HOMER2: variants seen among roughly 807,000 people sequenced by gnomAD.
HOMER2 encodes homer protein homolog 2.
HOMER2 carries 27 observed loss-of-function variants against 47.0 expected under a neutral mutation model. The ratio of observed to expected loss-of-function variants is 0.57; its 90% confidence interval spans 0.42 to 0.79. The LOEUF (loss-of-function observed/expected upper bound fraction) is 0.79. Ranked by LOEUF, HOMER2 falls within the 30% of genes least tolerant of loss-of-function variation. The pLI is 0.00. For missense variants in HOMER2, 443 were observed against 435.0 expected (o/e 1.02, Z -0.16); for synonymous variants, 161 against 163.8 (o/e 0.98, Z 0.13).
intron 1 of HOMER2, among the ~76,000 whole-genome samples, chr15:82,983,860 G>A (rs1376786035): frequency 1.3e-5 from 2 of 151,952 alleles, no homozygotes; most frequent in South Asian, 4.2e-4. Flanking sequence ...TCAAAGTGCA[G>A]GGATTACAGG....
At chr15:82,857,290 T>C (rs561597234) in intron 5 of HOMER2, among the ~76,000 whole-genome samples, 97 of 152,230 alleles carry the variant, frequency 6.4e-4, no homozygotes, top group African/African-American at 2.2e-3. Flanking sequence ...AGACACCAAA[T>C]CTGCCAGTGC....
chr15:82,967,642 G>A (rs558844277), intron 1 of HOMER2, among the ~76,000 whole-genome samples: 1 of 152,286 alleles, frequency 6.6e-6, no homozygotes, highest in East Asian at 1.9e-4. Context: ...TTCGGAGGCT[G>A]AGGTGGGTGG....
At chr15:82,878,012 T>C (rs939817246) in intron 2 of HOMER2, among the ~76,000 whole-genome samples, 2 of 152,112 alleles carry the variant, frequency 1.3e-5, no homozygotes, top group African/African-American at 2.4e-5. Flanking sequence ...TCAGGATGGA[T>C]CACGTGACCC....
chr15:82,932,556 C>A (rs1358824849), intron 1 of HOMER2, among the ~76,000 whole-genome samples: 1 of 151,586 alleles, frequency 6.6e-6, no homozygotes, highest in Non-Finnish European at 1.5e-5. Flanking sequence ...ACCCACCACA[C>A]CCCAAGGCAA....
intron 1 of HOMER2, among the ~76,000 whole-genome samples, chr15:82,928,343 G>C (rs942635049): frequency 5.3e-5 from 8 of 152,152 alleles, no homozygotes; most frequent in Admixed American, 3.9e-4. Context: ...ACTGGTTTCT[G>C]TTTCCGCCAT....
intron 2 of HOMER2, among the ~76,000 whole-genome samples, chr15:82,882,156 G>A (rs530001027): frequency 6.6e-6 from 1 of 152,342 alleles, no homozygotes; most frequent in South Asian, 2.1e-4. Context: ...TGGGAGTGGG[G>A]AGATGCCCTC....
At chr15:82,841,196 CAT>C (rs1229860956) in exon 2 of HOMER2, 1 of 152,104 alleles carries the variant, frequency 6.6e-6, no homozygotes, top group Non-Finnish European at 1.5e-5. Flanking sequence ...ACCAACCAAT[CAT>C]AAATAACCAC....
Position 82,911,749 on chromosome 15 carries a change from G to A in HOMER2, c.6-18908C>T, listed in dbSNP as rs191932168. Among the ~76,000 whole-genome samples the A allele has an allele frequency of 5.1e-3, 783 of 152,238 alleles. 3 individuals carry two copies. Among genetic ancestry groups the A allele is most frequent in the Non-Finnish European group, 5.5e-3 (375 of 68,026 alleles). On this transcript the variant is annotated intron_variant, in intron 1 of 8. Transcript: ENST00000450735. ...ACTTTCAGCTAAATTTAAATTTCAC[G>A]GCCGGGTGAGGTGGTTCACACCTGT... is the stretch of plus-strand genomic sequence containing the variant.
intron 1 of HOMER2, among the ~76,000 whole-genome samples, chr15:82,968,404 C>G (rs1479384694): frequency 1.3e-5 from 2 of 152,212 alleles, no homozygotes; most frequent in East Asian, 3.8e-4. Context: ...CAAATACATT[C>G]AACACATTTG....
chr15:82,912,858 C>A (rs1373220656), intron 1 of HOMER2, among the ~76,000 whole-genome samples: 1 of 152,214 alleles, frequency 6.6e-6, no homozygotes, highest in Non-Finnish European at 1.5e-5. Flanking sequence ...CTGAAGGCAG[C>A]CTATACCCTA....
At position 82,849,887 on chromosome 15, in the gene HOMER2, T is replaced by A. The variant is rs1351093730; in HGVS notation, c.860A>T (p.Asn287Ile). 6.2e-7 allele frequency: 1 copy of A among 1,613,868 alleles called. No individual in the cohort carries two copies. The highest frequency in any genetic ancestry group is 1.3e-5 in the African/African-American group (1 of 75,050). Residue 287 changes from asparagine to isoleucine, a missense_variant, in exon 9 of 9, where the codon AAT (asparagine) becomes ATT (isoleucine). Asn to Ile is a moderately radical substitution (Grantham distance 149). Transcript: ENST00000450735. Reference protein sequence around the residue: ...SEKLEAAERDNQNLEDKVRSL... With the variant: ...SEKLEAAERDIQNLEDKVRSL... ...ACGCACTTTGTCTTCCAGGTTTTGA[T>A]TGTCTCTCTCTGCCGCCTGGCCAAG...
chr15:82,866,361 C>G (rs571083566), intron 3 of HOMER2, among the ~76,000 whole-genome samples: 2 of 152,326 alleles, frequency 1.3e-5, no homozygotes, highest in South Asian at 4.1e-4. Context: ...GCCTCTACCC[C>G]CATTGTACCT....
At chr15:82,981,790 C>G (rs1185684119) in intron 1 of HOMER2, among the ~76,000 whole-genome samples, 1 of 151,984 alleles carries the variant, frequency 6.6e-6, no homozygotes, top group Admixed American at 6.5e-5. Context: ...GCATGAGGTA[C>G]CTAGAGTAGT....
chr15:82,983,985 C>T, intron 1 of HOMER2, among the ~76,000 whole-genome samples: 1 of 151,998 alleles, frequency 6.6e-6, no homozygotes, highest in East Asian at 1.9e-4. Flanking sequence ...AGCGCGCTAA[C>T]CAATTGCACT....
At chr15:82,930,021 G>A (rs578237291) in intron 1 of HOMER2, among the ~76,000 whole-genome samples, 1 of 152,166 alleles carries the variant, frequency 6.6e-6, no homozygotes, top group Non-Finnish European at 1.5e-5. Flanking sequence ...GAGCCACCAC[G>A]CCCGGCCTAA....
chr15:82,962,435 G>A (rs2054639467), intron 1 of HOMER2, among the ~76,000 whole-genome samples: 1 of 151,886 alleles, frequency 6.6e-6, no homozygotes, highest in African/African-American at 2.4e-5. Context: ...GCAGCACCGT[G>A]GGAGGCTGAC....
At chr15:82,928,921 C>T (rs1440792548) in intron 1 of HOMER2, among the ~76,000 whole-genome samples, 14 of 50,442 alleles carry the variant, frequency 2.8e-4, no homozygotes, top group African/African-American at 1.6e-3. Flanking sequence ...GCTGTAACAA[C>T]TGGCAAAAAA....
intron 1 of HOMER2, among the ~76,000 whole-genome samples, chr15:82,984,298 C>T (rs1379174314): frequency 6.6e-6 from 1 of 152,112 alleles, no homozygotes; most frequent in African/African-American, 2.4e-5. Flanking sequence ...TCCCAAAGTG[C>T]TGGGATTACA....
intron 1 of HOMER2, among the ~76,000 whole-genome samples, chr15:82,983,952 C>G (rs1286352278): frequency 2.0e-5 from 3 of 151,882 alleles, no homozygotes; most frequent in African/African-American, 7.3e-5. Context: ...AAGTATAGTA[C>G]TATTTACTAT....
Sources: allele counts gnomAD v4.1 joint callset (sites outside exome capture counted in the v4.1 genomes callset), GRCh38; gene constraint gnomAD v4.1.1; transcripts MANE v1.5; gene names NCBI Gene and HGNC (gene_info 2026-07-23, HGNC 2026-07-21).